MVB12B: variants seen among roughly 807,000 people sequenced by gnomAD.
MVB12B encodes the protein ESCRT-I complex subunit MVB12B.
MVB12B carries 16 observed loss-of-function variants against 41.6 expected under a neutral mutation model. The observed-to-expected ratio is 0.38, with a 90% CI of 0.26 to 0.58. The LOEUF is 0.58. MVB12B is among the 20% of genes least tolerant of loss of function. MVB12B has a pLI of 0.62. For missense variants in MVB12B, 274 were observed against 380.2 expected, an observed-to-expected ratio of 0.72 and a Z score of 2.32; for synonymous variants, 133 against 139.7, an observed-to-expected ratio of 0.95 and a Z score of 0.34.
chr9:126,462,464 C>T (rs982871053), intron 7 of MVB12B, among the ~76,000 whole-genome samples: 1 of 152,188 alleles, frequency 6.6e-6, no homozygotes, highest in Non-Finnish European at 1.5e-5. Context: ...TTTTCATAAT[C>T]ACCATTAATC....
intron 7 of MVB12B, among the ~76,000 whole-genome samples, chr9:126,429,107 T>C (rs189123582): frequency 4.6e-5 from 7 of 152,160 alleles, no homozygotes; most frequent in Non-Finnish European, 1.0e-4. Flanking sequence ...TGAAAAGATA[T>C]GTATAATAAT....
chr9:126,454,712 T>C (rs1009065507), intron 7 of MVB12B, among the ~76,000 whole-genome samples: 3 of 152,218 alleles, frequency 2.0e-5, no homozygotes, highest in Admixed American at 1.3e-4. Context: ...ATTTTACTTT[T>C]GTTAAGCACT....
In MVB12B at chr9:126,340,262, G is replaced by A. The variant is rs1470802734; in HGVS notation, c.82-246G>A. 6.6e-6 allele frequency among the ~76,000 whole-genome samples: 1 copy of A among 152,128 alleles called. No individual in the cohort carries two copies. Among genetic ancestry groups the A allele is most frequent in the Non-Finnish European group, 1.5e-5 (1 of 68,032 alleles). ...TGGGTTTGAGTCAAGCTCACCTCCT[G>A]AGAGTAGAGACAAGCTCTCATCTTA... On this transcript the variant is annotated intron_variant, in intron 1 of 9. Transcript: ENST00000361171. The surrounding 1 kb of genome is among the most constrained non-coding windows in gnomAD (Gnocchi z 4.0).
At chr9:126,419,808 C>T (rs1831947095) in intron 6 of MVB12B, among the ~76,000 whole-genome samples, 1 of 152,172 alleles carries the variant, frequency 6.6e-6, no homozygotes, top group South Asian at 2.1e-4. Flanking sequence ...TGGGCTGCAC[C>T]CGGCCAGGCC....
chr9:126,332,709 C>T (rs1423109872), intron 1 of MVB12B, among the ~76,000 whole-genome samples: 1 of 152,012 alleles, frequency 6.6e-6, no homozygotes, highest in Non-Finnish European at 1.5e-5. Flanking sequence ...TATGTGGCCC[C>T]ACCCCTTTAT....
chr9:126,404,188 C>A (rs182768096), intron 6 of MVB12B, among the ~76,000 whole-genome samples: 1 of 152,208 alleles, frequency 6.6e-6, no homozygotes, highest in East Asian at 1.9e-4. Flanking sequence ...CTCCTGACCT[C>A]AAGTGATCCG....
chr9:126,474,212 C>G lies in MVB12B; in HGVS notation c.758-7157C>G, dbSNP rs1229584668. On this transcript the variant is annotated intron_variant, in intron 7 of 9. Transcript: ENST00000361171. ...GTCTCGTTCCCAGCTCTGCCTCCATCCAGCTCCTCGAACAGCATGTCACCC... is the reference window on the plus strand; with the variant it reads ...GTCTCGTTCCCAGCTCTGCCTCCATGCAGCTCCTCGAACAGCATGTCACCC... Among the ~76,000 whole-genome samples, 3 of 152,176 alleles carry G rather than the reference C, an allele frequency of 2.0e-5. No individual in the cohort carries two copies. In the East Asian group the frequency reaches 5.8e-4, roughly 29 times the overall value.
intron 2 of MVB12B, among the ~76,000 whole-genome samples, chr9:126,360,214 A>G (rs77292873): frequency 0.012 from 1,846 of 151,966 alleles, 15 homozygotes; most frequent in Admixed American, 0.022. Flanking sequence ...TTTTGTTTCC[A>G]TGTATTTGGG....
chr9:126,438,203 T>C (rs1218027828), intron 7 of MVB12B, among the ~76,000 whole-genome samples: 1 of 152,222 alleles, frequency 6.6e-6, no homozygotes, highest in African/African-American at 2.4e-5. Flanking sequence ...AGATTCTACA[T>C]GCTAAGGGAG....
chr9:126,330,338 T>TA (rs752021532), intron 1 of MVB12B, among the ~76,000 whole-genome samples: 75 of 150,818 alleles, frequency 5.0e-4, no homozygotes, highest in Middle Eastern at 3.4e-3. Flanking sequence ...CACACACACT[T>TA]AAAAAAAACA....
intron 6 of MVB12B, among the ~76,000 whole-genome samples, chr9:126,410,275 A>G (rs1369257485): frequency 6.6e-6 from 1 of 152,124 alleles, no homozygotes; most frequent in Non-Finnish European, 1.5e-5. Context: ...GTCGTGGCAA[A>G]TGGGCTTCCT....
chr9:126,440,765 A>G (rs1832614230), intron 7 of MVB12B, among the ~76,000 whole-genome samples: 1 of 152,204 alleles, frequency 6.6e-6, no homozygotes, highest in African/African-American at 2.4e-5. Flanking sequence ...TCTAATTACT[A>G]AATTGGTTTG....
intron 7 of MVB12B, among the ~76,000 whole-genome samples, chr9:126,457,160 T>C (rs1046334266): frequency 1.3e-5 from 2 of 152,168 alleles, no homozygotes; most frequent in Non-Finnish European, 2.9e-5. Flanking sequence ...TTTTAATCGA[T>C]GTCAGCTCCT....
Position 126,395,817 on chromosome 9 carries a change from A to G in MVB12B, c.662+120A>G. 4.0e-6 allele frequency: 6 copies of G among 1,508,348 alleles called. No individual in the cohort carries two copies. Among genetic ancestry groups the G allele is most frequent in the Middle Eastern group, 5.0e-4 (2 of 4,032 alleles). The allele number at this position is 1,508,348 out of a possible 1,614,324, so 93.4% of individuals were successfully genotyped here. A position where few individuals can be genotyped will look rare whatever the true frequency, so the allele number is the denominator to read the frequency against. On this transcript the variant is annotated intron_variant, in intron 6 of 9. Coordinates refer to ENST00000361171, the MANE Select transcript of MVB12B (RefSeq NM_033446.3). This position sits in a 1 kb window ranked among gnomAD's most constrained non-coding sequence, Gnocchi z 4.9. ...GCAAAGTACAGCTGAATAATTGTAG[A>G]AGCAATATATCTTTAGAGGAGATTT...
At chr9:126,433,727 T>G (rs1487954279) in intron 7 of MVB12B, among the ~76,000 whole-genome samples, 2 of 152,154 alleles carry the variant, frequency 1.3e-5, no homozygotes, top group East Asian at 3.9e-4. Context: ...CCCGTGAGCA[T>G]TCCTTGTGAG....
intron 2 of MVB12B, among the ~76,000 whole-genome samples, chr9:126,364,232 G>A (rs1415938877): frequency 6.6e-6 from 1 of 152,236 alleles, no homozygotes; most frequent in Non-Finnish European, 1.5e-5. Flanking sequence ...CATAAGAAGA[G>A]TGACTTAGGC....
chr9:126,327,614 C>T (rs1349382847), intron 1 of MVB12B, among the ~76,000 whole-genome samples: 1 of 152,146 alleles, frequency 6.6e-6, no homozygotes. Flanking sequence ...ACCAGCGAGA[C>T]GGGAGGAGCA....
chr9:126,331,197 A>G (rs1829121490), intron 1 of MVB12B, among the ~76,000 whole-genome samples: 1 of 152,266 alleles, frequency 6.6e-6, no homozygotes, highest in South Asian at 2.1e-4. Flanking sequence ...TTTCCATAAC[A>G]TAGTGGCTGT....
rs888558947 is a variant in MVB12B, at chr9:126,445,858, A to G, written c.757+23910A>G. 2.6e-5 allele frequency among the ~76,000 whole-genome samples: 4 copies of G among 152,134 alleles called. No individual in the cohort carries two copies. The East Asian group carries it at 5.8e-4, about 22-fold the overall frequency. ...CCTCTCTGTATGCTTGTTATTTCCA[A>G]TAGCCTCCAGTTTATTTACTGGGAT... On this transcript the variant is annotated intron_variant, in intron 7 of 9. Coordinates refer to ENST00000361171, the MANE Select transcript of MVB12B (RefSeq NM_033446.3).
Sources: gnomAD v4.1 joint callset for allele counts (sites outside exome capture counted in the v4.1 genomes callset) on GRCh38, gnomAD v4.1.1 for gene constraint, Gnocchi (gnomAD v3.1) non-coding constraint, MANE v1.5 for transcripts, NCBI Gene and HGNC (gene_info 2026-07-23, HGNC 2026-07-21) for gene names.